Variants in FLI1 observed in about 807,000 individuals in gnomAD.
FLI1 encodes the protein Friend leukemia integration 1 transcription factor.
A neutral mutation model predicts 53.1 loss-of-function variants in FLI1; 13 were observed. That is an observed-to-expected ratio of 0.24 (90% confidence interval 0.16 to 0.39). FLI1 has a LOEUF of 0.39. Ranked by LOEUF, FLI1 falls within the 10% of genes least tolerant of loss-of-function variation. The pLI, the probability that FLI1 is intolerant of heterozygous loss-of-function variation, is 1.00. For synonymous variants in FLI1, 244 were observed against 236.7 expected (o/e 1.03, Z -0.28); for missense variants, 424 against 600.5 (o/e 0.71, Z 3.07).
chr11:128,791,359 C>T (rs1942265090), intron 5 of FLI1, among the ~76,000 whole-genome samples: 1 of 152,152 alleles, frequency 6.6e-6, no homozygotes, highest in South Asian at 2.1e-4. Context: ...CACCCCCAGT[C>T]CATATTCTAG....
chr11:128,724,526 A>G (rs1184389973), intron 1 of FLI1, among the ~76,000 whole-genome samples: 2 of 152,232 alleles, frequency 1.3e-5, no homozygotes, highest in African/African-American at 4.8e-5. Flanking sequence ...ATTGAGTTAA[A>G]TAAGCACTTA....
intron 1 of FLI1, among the ~76,000 whole-genome samples, chr11:128,714,943 G>A (rs888289402): frequency 2.0e-5 from 3 of 152,112 alleles, no homozygotes; most frequent in Middle Eastern, 6.8e-3. Context: ...TCTTGACCTC[G>A]TCATCCGCCA....
At chr11:128,727,302 A>G (rs1939524010) in intron 1 of FLI1, among the ~76,000 whole-genome samples, 1 of 152,258 alleles carries the variant, frequency 6.6e-6, no homozygotes, top group African/African-American at 2.4e-5. Context: ...CCTTAGTTCC[A>G]TACCTGGCAA....
rs539499213 is a variant in FLI1, at chr11:128,758,192, C to T, written c.96C>T (p.Ala32=). 1.5e-4 allele frequency: 241 copies of T among 1,613,340 alleles called. No individual in the cohort carries two copies. Among genetic ancestry groups the T allele is most frequent in the South Asian group, 9.6e-4 (87 of 90,934 alleles). Residue 32 remains alanine, a synonymous_variant, in exon 2 of 9, where the codon GCC becomes GCT. Coordinates refer to ENST00000527786, the MANE Select transcript of FLI1 (RefSeq NM_002017.5). The part of the protein sequence containing the change: ...AYGAAAHLPK[A]DMTASGSPDY... ...GAGCGGCAGCCCATCTCCCCAAGGC[C>T]GACATGACTGCCTCGGGGAGTCCTG...
At chr11:128,731,501 G>T (rs1323304733) in intron 1 of FLI1, among the ~76,000 whole-genome samples, 1 of 151,074 alleles carries the variant, frequency 6.6e-6, no homozygotes, top group Non-Finnish European at 1.5e-5. Context: ...TGTTAAAGGG[G>T]CCGTGTCAGA....
Position 128,758,728 on chromosome 11 carries a change from G to C in FLI1, c.230+402G>C, listed in dbSNP as rs547204613. On this transcript the variant is annotated intron_variant, in intron 2 of 8. Transcript: ENST00000527786. ...CTGGGCAGGTCTCAGCAGAGCAAAG[G>C]TGACCAAACCATTCTTTAGTAAGAG... Among the ~76,000 whole-genome samples, 4 of 152,334 alleles carry C rather than the reference G, an allele frequency of 2.6e-5. No homozygotes were observed. The South Asian group carries it at 8.3e-4, about 32-fold the overall frequency.
intron 1 of FLI1, among the ~76,000 whole-genome samples, chr11:128,737,726 G>A (rs1939966325): frequency 6.6e-6 from 1 of 152,176 alleles, no homozygotes; most frequent in African/African-American, 2.4e-5. Context: ...TGTGAATGAT[G>A]TCACTTTTAG....
intron 5 of FLI1, among the ~76,000 whole-genome samples, chr11:128,784,268 C>CCTCCTGCTGCTGCTG (rs1331908622): frequency 2.9e-4 from 38 of 130,282 alleles, no homozygotes; most frequent in South Asian, 5.1e-4. Context: ...TCCTCCTCCT[C>CCTCCTGCTGCTGCTG]CTGCTGTCTT....
At chr11:128,727,757 G>A (rs968787925) in intron 1 of FLI1, among the ~76,000 whole-genome samples, 20 of 152,232 alleles carry the variant, frequency 1.3e-4, no homozygotes, top group South Asian at 8.3e-4. Flanking sequence ...GAAGAGATGC[G>A]TGCAACTGGC....
At chr11:128,777,158 G>C (rs1228215356) in intron 4 of FLI1, among the ~76,000 whole-genome samples, 1 of 152,228 alleles carries the variant, frequency 6.6e-6, no homozygotes, top group African/African-American at 2.4e-5. Context: ...GGCCAAGGCG[G>C]GGAAGGACCT....
rs926108325 is a variant in FLI1 at position 128,768,038 on chromosome 11, CT to C, written c.231-79del. 14 of 1,334,656 alleles carry C rather than the reference CT, an allele frequency of 1.0e-5. No individual in the cohort carries two copies. In the Admixed American group the frequency reaches 1.2e-4, roughly 11 times the overall value. 82.7% of individuals were successfully genotyped at this position (1,334,656 alleles called of 1,614,324 possible). A position where few individuals can be genotyped will look rare whatever the true frequency, so the allele number is the denominator to read the frequency against. ...TGGCTCCATGCTCATCATCGGAGCC[CT>C]GGGCTCATGATTCAGAGGCTGAGGC... On this transcript the variant is annotated intron_variant, in intron 2 of 8. Transcript: ENST00000527786.
intron 2 of FLI1, among the ~76,000 whole-genome samples, chr11:128,763,216 G>A (rs2135820291): frequency 6.6e-6 from 1 of 152,288 alleles, no homozygotes; most frequent in East Asian, 1.9e-4. Context: ...AAACCCTCTG[G>A]CCCAGGAGCA....
At chr11:128,794,940 G>A (rs780510030) in intron 5 of FLI1, among the ~76,000 whole-genome samples, 2 of 152,166 alleles carry the variant, frequency 1.3e-5, no homozygotes, top group African/African-American at 2.4e-5. Context: ...GCCAGGCATG[G>A]TGGCACGGGC....
At position 128,744,730 on chromosome 11, in the gene FLI1, C is replaced by G. The variant is rs551369287; in HGVS notation, c.19-13385C>G. On this transcript the variant is annotated intron_variant, in intron 1 of 8. Transcript: ENST00000527786. ...CCCATTTTATGGATAAGGGGAGAAC[C>G]AATTCACTCAGCTAGTAAGTGGCAA... Among the ~76,000 whole-genome samples the G allele has an allele frequency of 1.7e-4, 26 of 152,286 alleles. No individual in the cohort carries two copies. In the South Asian group the frequency reaches 5.4e-3, roughly 32 times the overall value.
upstream of FLI1, among the ~76,000 whole-genome samples, chr11:128,689,485 C>G (rs887668705): frequency 6.6e-6 from 1 of 152,144 alleles, no homozygotes; most frequent in Non-Finnish European, 1.5e-5. Context: ...GAGGGAGATG[C>G]CGTCTTCCGC....
intron 1 of FLI1, among the ~76,000 whole-genome samples, chr11:128,754,192 A>G (rs961132373): frequency 1.3e-5 from 2 of 151,856 alleles, no homozygotes; most frequent in African/African-American, 4.8e-5. Flanking sequence ...ATTGTAATGG[A>G]AAAAAAGCTT....
At position 128,812,380 on chromosome 11, in the gene FLI1, T is replaced by C. The variant is rs1942957727; in HGVS notation, c.*1392T>C. ...ACAACTGTCAAAGAAGACCATGTTG[T>C]AAAATAATTTGACTAAATAAATGGT... On this transcript the variant is annotated 3_prime_UTR_variant, in exon 9 of 9. Transcript: ENST00000527786. 4.5e-6 allele frequency: 1 copy of C among 223,164 alleles called. No homozygotes were observed. The highest frequency in any genetic ancestry group is 2.2e-5 in the African/African-American group (1 of 44,822). The allele number at this position is 223,164 out of a possible 1,614,324, so 13.8% of individuals were successfully genotyped here.
chr11:128,810,559 A>G lies in FLI1; in HGVS notation c.930A>G (p.Lys310=), dbSNP rs1371028645. ...GGGAGGGGACCAACGGGGAGTTCAA[A>G]ATGACGGACCCCGATGAGGTGGCCA... The part of the protein sequence containing the change: ...ITWEGTNGEF[K]MTDPDEVARR... The change falls in exon 9 of 9, where the codon AAA becomes AAG. Residue 310 remains lysine (K), a synonymous_variant. Coordinates refer to ENST00000527786, the MANE Select transcript of FLI1 (RefSeq NM_002017.5). This position sits in a 1 kb window ranked among gnomAD's most constrained non-coding sequence, Gnocchi z 6.6. The G allele has an allele frequency of 1.2e-6, 2 of 1,613,236 alleles. No individual in the cohort carries two copies. The highest frequency in any genetic ancestry group is 1.7e-6 in the Non-Finnish European group (2 of 1,179,636).
At chr11:128,707,806 A>T (rs981680183) in intron 1 of FLI1, among the ~76,000 whole-genome samples, 6 of 152,224 alleles carry the variant, frequency 3.9e-5, no homozygotes, top group Non-Finnish European at 7.3e-5. Context: ...CTTTTAAAAA[A>T]TTTAAAACCC....
Sources: allele counts gnomAD v4.1 joint callset (sites outside exome capture counted in the v4.1 genomes callset), GRCh38; gene constraint gnomAD v4.1.1; non-coding constraint Gnocchi (gnomAD v3.1); transcripts MANE v1.5; gene names NCBI Gene and HGNC (gene_info 2026-07-23, HGNC 2026-07-21).